KCNT2: variants seen among roughly 807,000 people sequenced by gnomAD.
The protein encoded by KCNT2 is potassium sodium-activated channel subfamily T member 2.
KCNT2 carries 67 observed loss-of-function variants against 153.8 expected under a neutral mutation model. The ratio of observed to expected loss-of-function variants is 0.44; its 90% CI spans 0.36 to 0.53. KCNT2 has a LOEUF of 0.53. Among genes scored for constraint, KCNT2 ranks in the 20% least tolerant of loss-of-function variants. The pLI, the probability that KCNT2 is intolerant of heterozygous loss-of-function variation, is 0.00. For missense variants in KCNT2, 975 were observed against 1,354.8 expected (o/e 0.72, Z 4.40); for synonymous variants, 500 against 458.8 (o/e 1.09, Z -1.15).
chr1:196,319,877 T>C (rs1378391591), intron 19 of KCNT2, among the ~76,000 whole-genome samples: 6 of 151,764 alleles, frequency 4.0e-5, no homozygotes, highest in African/African-American at 1.4e-4. Flanking sequence ...TTAAAAGTTA[T>C]CCATGCACAG....
rs114834755 is a variant in KCNT2, at chr1:196,552,685, G to T, written c.95+55530C>A. On this transcript the variant is annotated intron_variant, in intron 1 of 27. Transcript: ENST00000294725. The stretch of plus-strand genomic sequence containing the variant: ...GACTTAGGCAGAAAGACTAATTGAT[G>T]AACCAATCAAAAATAATAACTACAA... 2.4e-3 allele frequency among the ~76,000 whole-genome samples: 371 copies of T among 151,530 alleles called. 2 individuals carry two copies. The highest frequency in any genetic ancestry group is 8.3e-3 in the African/African-American group (346 of 41,462).
At chr1:196,391,999 T>C (rs1038902185) in intron 13 of KCNT2, among the ~76,000 whole-genome samples, 1 of 151,546 alleles carries the variant, frequency 6.6e-6, no homozygotes, top group South Asian at 2.1e-4. Context: ...ACTGGATCCA[T>C]AAAATTATTA....
intron 1 of KCNT2, among the ~76,000 whole-genome samples, chr1:196,580,362 C>T (rs978249916): frequency 6.6e-5 from 10 of 152,058 alleles, no homozygotes; most frequent in Admixed American, 6.6e-5. Context: ...TGAGTAACTC[C>T]ACAGAAGAGA....
chr1:196,502,430 C>T (rs549892607), intron 1 of KCNT2, among the ~76,000 whole-genome samples: 1 of 152,208 alleles, frequency 6.6e-6, no homozygotes, highest in African/African-American at 2.4e-5. Context: ...CTGAGCTACT[C>T]ACACACATAG....
At chr1:196,256,644 TA>T (rs1656531175) in intron 26 of KCNT2, among the ~76,000 whole-genome samples, 1 of 151,410 alleles carries the variant, frequency 6.6e-6, no homozygotes, top group Admixed American at 6.6e-5. Flanking sequence ...ATAAGATTCC[TA>T]ATACATCACT....
chr1:196,244,478 G>A (rs1016680898), intron 26 of KCNT2, among the ~76,000 whole-genome samples: 4 of 152,068 alleles, frequency 2.6e-5, no homozygotes, highest in African/African-American at 9.7e-5. Flanking sequence ...CTGTCCTGAG[G>A]AGAGAGTTTC....
At position 196,371,220 on chromosome 1, in the gene KCNT2, C is replaced by CAAAAAAAAAAAA. The variant is rs952744388; in HGVS notation, c.1403+1908_1403+1919dup. 9.1e-5 allele frequency among the ~76,000 whole-genome samples: 2 copies of CAAAAAAAAAAAA among 21,932 alleles called. 1 individual carries two copies. Among genetic ancestry groups the CAAAAAAAAAAAA allele is most frequent in the Non-Finnish European group, 1.8e-4 (2 of 11,062 alleles). The allele number at this position is 21,932 out of a possible 152,430, so 14.4% of individuals were successfully genotyped here. On this transcript the variant is annotated intron_variant, in intron 14 of 27. Transcript: ENST00000294725. ...GCAACATGGCAAAATCCCGTCACTA[C>CAAAAAAAAAAAA]AAAAAAAAAAAAAAAAAAAAAAAAA...
At chr1:196,497,983 A>G (rs547612896) in intron 1 of KCNT2, among the ~76,000 whole-genome samples, 1 of 152,248 alleles carries the variant, frequency 6.6e-6, no homozygotes, top group South Asian at 2.1e-4. Context: ...CTATGGTCTG[A>G]AACAATTTAG....
chr1:196,377,749 A>G (rs897217380), intron 13 of KCNT2, among the ~76,000 whole-genome samples: 4 of 152,158 alleles, frequency 2.6e-5, no homozygotes, highest in Non-Finnish European at 5.9e-5. Context: ...CACTTGCAGA[A>G]TTGAAAAAGT....
intron 1 of KCNT2, among the ~76,000 whole-genome samples, chr1:196,496,422 C>T (rs1680260519): frequency 6.7e-6 from 1 of 149,516 alleles, no homozygotes. Flanking sequence ...GAGCCGAGAT[C>T]GTGCCACTGC....
At chr1:196,540,360 C>A (rs577440810) in intron 1 of KCNT2, among the ~76,000 whole-genome samples, 1 of 152,200 alleles carries the variant, frequency 6.6e-6, no homozygotes, top group East Asian at 1.9e-4. Context: ...AAATCAGGGA[C>A]CATGTTTGGG....
chr1:196,286,624 C>A (rs1257253660), intron 22 of KCNT2, among the ~76,000 whole-genome samples: 1 of 141,928 alleles, frequency 7.0e-6, no homozygotes, highest in East Asian at 1.9e-4. Context: ...ATATCACACA[C>A]ACACACACAC....
intron 5 of KCNT2, among the ~76,000 whole-genome samples, chr1:196,477,191 A>G (rs1398841063): frequency 6.6e-6 from 1 of 152,176 alleles, no homozygotes; most frequent in Non-Finnish European, 1.5e-5. Context: ...AAGAAAAAAA[A>G]AGTGAGCCTG....
At chr1:196,478,806 T>G (rs1016047655) in intron 5 of KCNT2, among the ~76,000 whole-genome samples, 2 of 152,146 alleles carry the variant, frequency 1.3e-5, no homozygotes, top group Non-Finnish European at 2.9e-5. Context: ...AAACAAAGCT[T>G]TATCAAAAAA....
At chr1:196,447,906 CT>C (rs957944285) in intron 8 of KCNT2, among the ~76,000 whole-genome samples, 2 of 150,810 alleles carry the variant, frequency 1.3e-5, no homozygotes, top group Non-Finnish European at 3.0e-5. Context: ...CAGGAAGAGC[CT>C]TGAAAACTTT....
chr1:196,560,773 CA>C (rs558488541), intron 1 of KCNT2, among the ~76,000 whole-genome samples: 105 of 151,980 alleles, frequency 6.9e-4, no homozygotes, highest in East Asian at 1.2e-3. Context: ...CTACTTGTGA[CA>C]AATGGTGCTG....
intron 22 of KCNT2, among the ~76,000 whole-genome samples, chr1:196,287,354 G>A (rs757216929): frequency 8.6e-5 from 13 of 151,952 alleles, no homozygotes; most frequent in Admixed American, 6.6e-4. Flanking sequence ...AGAAGACCAA[G>A]CCATGATATG....
intron 26 of KCNT2, among the ~76,000 whole-genome samples, chr1:196,240,476 A>G (rs930513980): frequency 6.6e-6 from 1 of 152,148 alleles, no homozygotes. Flanking sequence ...GTGCAACATA[A>G]AGGTTATGTA....
intron 14 of KCNT2, among the ~76,000 whole-genome samples, chr1:196,362,969 G>T (rs181403249): frequency 1.3e-5 from 2 of 152,088 alleles, no homozygotes; most frequent in African/African-American, 4.8e-5. Flanking sequence ...AACTATTTTA[G>T]GGAGGCATGT....
Sources: gnomAD v4.1 joint callset for allele counts (sites outside exome capture counted in the v4.1 genomes callset) on GRCh38, gnomAD v4.1.1 for gene constraint, MANE v1.5 for transcripts, NCBI Gene and HGNC (gene_info 2026-07-23, HGNC 2026-07-21) for gene names.